Variants in CFAP299 observed in about 807,000 individuals in gnomAD.
The protein encoded by CFAP299 is cilia and flagella associated protein 299, also known as cilia- and flagella-associated protein 299.
CFAP299 carries 21 observed loss-of-function variants against 27.0 expected under a neutral mutation model. That is an observed-to-expected ratio of 0.78 (90% CI 0.55 to 1.12). CFAP299 has a LOEUF of 1.12. Among genes scored for constraint, CFAP299 ranks in the 50% most tolerant of loss-of-function variants. The pLI, the probability that CFAP299 is intolerant of heterozygous loss-of-function variation, is 0.00. For synonymous variants in CFAP299, 104 were observed against 98.1 expected (o/e 1.06, Z -0.36); for missense variants, 310 against 276.6 (o/e 1.12, Z -0.86).
chr4:80,385,156 T>C (rs982956787), intron 2 of CFAP299, among the ~76,000 whole-genome samples: 2 of 152,178 alleles, frequency 1.3e-5, no homozygotes, highest in African/African-American at 4.8e-5. Flanking sequence ...TTATTATTAA[T>C]GAAGCCACCA....
the CFAP299 span, among the ~76,000 whole-genome samples, chr4:80,321,618 C>T: frequency 6.6e-6 from 1 of 152,052 alleles, no homozygotes; most frequent in African/African-American, 2.4e-5. Flanking sequence ...AAAGACTTGG[C>T]GAAGGTCATG....
rs562697396 is a variant in CFAP299 at position 80,801,416 on chromosome 4, A to C, written c.334-68577A>C. Reference sequence around the variant, plus strand: ...GCTGTCATCTTACTCTAAAAATTTTAGTGAAATATCCTAGGAAGAACAACT... The same window carrying C: ...GCTGTCATCTTACTCTAAAAATTTTCGTGAAATATCCTAGGAAGAACAACT... On this transcript the variant is annotated intron_variant, in intron 3 of 5. Coordinates refer to ENST00000358105, the MANE Select transcript of CFAP299 (RefSeq NM_152770.3). Among the ~76,000 whole-genome samples the C allele has an allele frequency of 2.6e-5, 4 of 152,174 alleles. No homozygotes were observed. The East Asian group carries it at 7.7e-4, about 29-fold the overall frequency.
At chr4:80,487,538 T>C (rs191742806) in intron 2 of CFAP299, among the ~76,000 whole-genome samples, 297 of 152,288 alleles carry the variant, frequency 2.0e-3, no homozygotes, top group Non-Finnish European at 3.2e-3. Flanking sequence ...CCTTGGAGTC[T>C]AGAAGGCAGA....
intron 2 of CFAP299, among the ~76,000 whole-genome samples, chr4:80,537,661 G>T (rs994570573): frequency 6.6e-6 from 1 of 152,056 alleles, no homozygotes; most frequent in Non-Finnish European, 1.5e-5. Flanking sequence ...AGAGTTGAAT[G>T]GTGGTTGCTG....
intron 4 of CFAP299, among the ~76,000 whole-genome samples, chr4:80,891,798 A>T (rs1453026532): frequency 5.6e-5 from 8 of 142,116 alleles, no homozygotes; most frequent in African/African-American, 2.1e-4. Context: ...ATAAAAAAAA[A>T]AATAAAAGCT....
At chr4:80,567,521 T>C (rs1735361365) in intron 2 of CFAP299, among the ~76,000 whole-genome samples, 1 of 151,818 alleles carries the variant, frequency 6.6e-6, no homozygotes, top group African/African-American at 2.4e-5. Context: ...CAATTAAGAA[T>C]AGTTTACGAA....
chr4:80,580,466 ACTTC>A (rs1476173215), intron 2 of CFAP299, among the ~76,000 whole-genome samples: 3 of 151,854 alleles, frequency 2.0e-5, no homozygotes, highest in African/African-American at 7.3e-5. Flanking sequence ...ATCTATTGAC[ACTTC>A]CTTCCTTCAA....
chr4:80,715,162 G>C (rs1245164950), intron 3 of CFAP299, among the ~76,000 whole-genome samples: 2 of 152,064 alleles, frequency 1.3e-5, no homozygotes, highest in Admixed American at 1.3e-4. Flanking sequence ...TTGGGCAGAT[G>C]TTTTGAAGAT....
intron 2 of CFAP299, among the ~76,000 whole-genome samples, chr4:80,447,130 G>GT (rs1553923883): frequency 0.01 from 1,097 of 105,178 alleles, 86 homozygotes; most frequent in African/African-American, 0.035. Flanking sequence ...TTTTTTTTTT[G>GT]TTTTTTTTTT....
At chr4:80,834,912 GT>G (rs558914335) in intron 3 of CFAP299, among the ~76,000 whole-genome samples, 13 of 152,190 alleles carry the variant, frequency 8.5e-5, no homozygotes, top group East Asian at 7.7e-4. Context: ...TGTTCTGCAT[GT>G]TTTTTTAAAT....
chr4:80,386,863 T>A (rs1179901653), intron 2 of CFAP299: 1 of 860,650 alleles, frequency 1.2e-6, no homozygotes, highest in Non-Finnish European at 2.0e-6. Flanking sequence ...AGTTTGTCCT[T>A]GAGGTTGAAT....
At chr4:80,803,033 T>C (rs1298550845) in intron 3 of CFAP299, among the ~76,000 whole-genome samples, 1 of 152,096 alleles carries the variant, frequency 6.6e-6, no homozygotes, top group Non-Finnish European at 1.5e-5. Flanking sequence ...CTCAACTTTT[T>C]TCATCAACTG....
intron 2 of CFAP299, among the ~76,000 whole-genome samples, chr4:80,552,134 G>T (rs186275678): frequency 6.6e-6 from 1 of 152,126 alleles, no homozygotes; most frequent in Admixed American, 6.6e-5. Context: ...AAATACAAAT[G>T]GTCAAAGAAT....
intron 2 of CFAP299, among the ~76,000 whole-genome samples, chr4:80,459,429 TCAAA>T (rs2110104822): frequency 6.6e-6 from 1 of 152,214 alleles, no homozygotes; most frequent in South Asian, 2.1e-4. Flanking sequence ...ACATCAAAGG[TCAAA>T]CAGTGCACTT....
intron 2 of CFAP299, among the ~76,000 whole-genome samples, chr4:80,494,923 A>G (rs1215066085): frequency 6.6e-6 from 1 of 152,230 alleles, no homozygotes; most frequent in Non-Finnish European, 1.5e-5. Context: ...CAGGTCAGTC[A>G]TTACATCTTA....
chr4:80,387,465 G>C, intron 2 of CFAP299: 8 of 826,250 alleles, frequency 9.7e-6, no homozygotes, highest in Non-Finnish European at 1.7e-5. Flanking sequence ...TTGGGTTTCC[G>C]GCTTGCCCCT....
intron 2 of CFAP299, among the ~76,000 whole-genome samples, chr4:80,495,581 A>T (rs1731393652): frequency 6.6e-6 from 1 of 152,238 alleles, no homozygotes; most frequent in African/African-American, 2.4e-5. Context: ...GCAGGAAAAC[A>T]GCTTGAGGCC....
intron 3 of CFAP299, among the ~76,000 whole-genome samples, chr4:80,700,330 T>C (rs1721395182): frequency 2.0e-5 from 3 of 152,160 alleles, no homozygotes; most frequent in Admixed American, 6.6e-5. Context: ...GAACAATGAA[T>C]GGCACTTAAT....
intron 3 of CFAP299, among the ~76,000 whole-genome samples, chr4:80,640,337 G>A (rs899319715): frequency 6.6e-6 from 1 of 152,162 alleles, no homozygotes; most frequent in Admixed American, 6.5e-5. Flanking sequence ...ATAGTAGACT[G>A]AGACCAGGTT....
Sources: gnomAD v4.1 joint callset for allele counts (sites outside exome capture counted in the v4.1 genomes callset) on GRCh38, gnomAD v4.1.1 for gene constraint, MANE v1.5 for transcripts, NCBI Gene and HGNC (gene_info 2026-07-23, HGNC 2026-07-21) for gene names.